MTMR7: variants seen among roughly 807,000 people sequenced by gnomAD.
MTMR7 encodes myotubularin related protein 7, also known as phosphatidylinositol-3-phosphate phosphatase MTMR7.
MTMR7 carries 76 observed loss-of-function variants against 81.2 expected under a neutral mutation model. The observed-to-expected ratio is 0.94, with a 90% confidence interval of 0.78 to 1.13. The LOEUF (loss-of-function observed/expected upper bound fraction) is 1.13, where lower values mean the gene tolerates loss of function less well. MTMR7 is among the 50% of genes most tolerant of loss of function. The probability of loss-of-function intolerance (pLI) is 0.00; values close to 1 mark genes in which losing one functional copy is unlikely to be tolerated. For missense variants in MTMR7, 1,044 were observed against 820.0 expected (o/e 1.27, Z -3.34); for synonymous variants, 372 against 289.8 (o/e 1.28, Z -2.88).
At position 17,311,598 on chromosome 8, in the gene MTMR7, A is replaced by G. The variant is rs746530752; in HGVS notation, c.1014T>C (p.Cys338=). The change falls in exon 9 of 14, where the codon TGT becomes TGC. Residue 338 remains cysteine, a synonymous_variant. Transcript: ENST00000180173. ...SEEGASVLVH[C]SDGWDRTAQV... Reference sequence around the variant, plus strand: ...GAGCGGTCCTGTCCCAGCCATCAGAACAGTGAACAAGCACACTTGCCCCTT... The same window carrying G: ...GAGCGGTCCTGTCCCAGCCATCAGAGCAGTGAACAAGCACACTTGCCCCTT... 8.2e-5 allele frequency: 132 copies of G among 1,614,056 alleles called. 2 individuals are homozygous for G. In the Admixed American group the frequency reaches 1.1e-3, roughly 14 times the overall value.
intron 1 of MTMR7, among the ~76,000 whole-genome samples, chr8:17,393,997 C>T (rs1202939150): frequency 1.3e-5 from 2 of 152,192 alleles, no homozygotes; most frequent in Non-Finnish European, 2.9e-5. Flanking sequence ...CAAACTACCA[C>T]AAGATACCGC....
In MTMR7 at chr8:17,320,936, C is replaced by T. The variant is rs77103221; in HGVS notation, c.866-7535G>A. Among the ~76,000 whole-genome samples, 1,464 of 152,280 alleles carry T rather than the reference C, an allele frequency of 9.6e-3. 20 individuals carry two copies. Among genetic ancestry groups the T allele is most frequent in the East Asian group, 0.037 (192 of 5,174 alleles). On this transcript the variant is annotated intron_variant, in intron 7 of 13. Coordinates refer to ENST00000180173, the MANE Select transcript of MTMR7 (RefSeq NM_004686.5). ...ATCCTAAAATACACACATTCCACTGCGTGAAGTCTCAGGATGCAATTGATT... is the reference window on the plus strand; with the variant it reads ...ATCCTAAAATACACACATTCCACTGTGTGAAGTCTCAGGATGCAATTGATT...
At chr8:17,342,544 A>G (rs1411645877) in intron 5 of MTMR7, among the ~76,000 whole-genome samples, 1 of 152,106 alleles carries the variant, frequency 6.6e-6, no homozygotes, top group Admixed American at 6.5e-5. Flanking sequence ...TTGAATCCCA[A>G]CCCAGGACAA....
chr8:17,410,992 G>A (rs983931133), intron 1 of MTMR7, among the ~76,000 whole-genome samples: 3 of 152,104 alleles, frequency 2.0e-5, no homozygotes, highest in Non-Finnish European at 4.4e-5. Context: ...TTTACCTATA[G>A]TTTCACCAAG....
chr8:17,309,920 A>G (rs1817690910), intron 9 of MTMR7, among the ~76,000 whole-genome samples: 1 of 152,212 alleles, frequency 6.6e-6, no homozygotes, highest in African/African-American at 2.4e-5. Flanking sequence ...AATTAGGGTT[A>G]ACATGAATTT....
chr8:17,407,370 G>A (rs930251631), intron 1 of MTMR7, among the ~76,000 whole-genome samples: 1 of 152,050 alleles, frequency 6.6e-6, no homozygotes, highest in Non-Finnish European at 1.5e-5. Flanking sequence ...AAGAAACATA[G>A]TCTATATTCT....
At chr8:17,411,404 A>G (rs1040824149) in intron 1 of MTMR7, among the ~76,000 whole-genome samples, 1 of 152,096 alleles carries the variant, frequency 6.6e-6, no homozygotes, top group African/African-American at 2.4e-5. Context: ...TCTATCATAC[A>G]CTGACATATT....
intron 7 of MTMR7, among the ~76,000 whole-genome samples, chr8:17,329,732 A>G (rs1818895313): frequency 6.6e-6 from 1 of 152,238 alleles, no homozygotes; most frequent in Non-Finnish European, 1.5e-5. Flanking sequence ...CAAGGAGTCC[A>G]ATTTTTCAAC....
rs370669270 is a variant in MTMR7, at chr8:17,361,194, C to T, written c.391G>A (p.Asp131Asn). ...ATCCGCGTGTATTCTTCACTAAGAT[C>T]GATCAGCACCCAGCCTTGCTCTCTT... ...EEREQGWVLI[D>N]LSEEYTRMGL... is the part of the protein sequence containing the mutation. The change falls in exon 4 of 14, where the codon GAT becomes AAT. Residue 131 changes from aspartate to asparagine, a missense_variant. By Grantham distance (23) the Asp-to-Asn change is conservative. Transcript: ENST00000180173. 1.5e-4 allele frequency: 242 copies of T among 1,614,030 alleles called. No individual in the cohort carries two copies. The highest frequency in any genetic ancestry group is 1.9e-4 in the Non-Finnish European group (226 of 1,180,008).
intron 4 of MTMR7, 135 bp from the exon 5 acceptor site, chr8:17,349,216 C>T (rs976476720): frequency 8.6e-5 from 92 of 1,067,242 alleles, no homozygotes; most frequent in African/African-American, 5.1e-4. Flanking sequence ...GAGGCTATTT[C>T]GAGGAAACTC....
At chr8:17,333,539 T>A (rs1819120795) in intron 6 of MTMR7, among the ~76,000 whole-genome samples, 1 of 152,120 alleles carries the variant, frequency 6.6e-6, no homozygotes, top group African/African-American at 2.4e-5. Flanking sequence ...ACAGAGATAC[T>A]CTTTTAAAAA....
At chr8:17,335,187 G>A (rs1168578574) in intron 6 of MTMR7, among the ~76,000 whole-genome samples, 1 of 152,170 alleles carries the variant, frequency 6.6e-6, no homozygotes, top group Admixed American at 6.5e-5. Flanking sequence ...GAAAACCTCA[G>A]CGCTGACAGA....
At chr8:17,405,094 C>T (rs1247998430) in intron 1 of MTMR7, among the ~76,000 whole-genome samples, 2 of 152,222 alleles carry the variant, frequency 1.3e-5, no homozygotes, top group African/African-American at 4.8e-5. Context: ...TCAAACGATC[C>T]GTCCGCCTTG....
At chr8:17,397,337 C>T (rs1425816469) in intron 1 of MTMR7, among the ~76,000 whole-genome samples, 1 of 151,924 alleles carries the variant, frequency 6.6e-6, no homozygotes, top group Non-Finnish European at 1.5e-5. Context: ...TAGAGGGGAG[C>T]TCAATGCCCT....
intron 1 of MTMR7, among the ~76,000 whole-genome samples, chr8:17,379,011 G>A (rs1037332680): frequency 9.2e-5 from 14 of 152,284 alleles, no homozygotes; most frequent in African/African-American, 2.6e-4. Flanking sequence ...TGAAGAAGAG[G>A]AATCAGAAAA....
At chr8:17,304,576 A>T in intron 11 of MTMR7, 57 bp from the exon 12 acceptor site, 1 of 1,540,638 alleles carries the variant, frequency 6.5e-7, no homozygotes, top group African/African-American at 1.4e-5. Flanking sequence ...CACACAGTAG[A>T]TATGTTATAT....
chr8:17,309,086 C>A (rs538436304), intron 10 of MTMR7, among the ~76,000 whole-genome samples, 191 bp downstream of exon 10: 10 of 152,256 alleles, frequency 6.6e-5, no homozygotes, highest in African/African-American at 2.4e-4. Flanking sequence ...TAGTTCTGCC[C>A]AACTGTTACC....
At chr8:17,330,582 C>G (rs375617396) in intron 7 of MTMR7, among the ~76,000 whole-genome samples, 3 of 152,216 alleles carry the variant, frequency 2.0e-5, no homozygotes, top group East Asian at 3.8e-4. Flanking sequence ...TAATCCATCT[C>G]TTTAATTTCC....
Position 17,298,507 on chromosome 8 carries a change from C to T in MTMR7, c.*1355G>A, listed in dbSNP as rs1189838316. On this transcript the variant is annotated 3_prime_UTR_variant, in exon 14 of 14. Coordinates refer to ENST00000180173, the MANE Select transcript of MTMR7 (RefSeq NM_004686.5). ...AGATCAGCAATGTTGCTTTCTTGCC[C>T]TCGTCCTCATTTCAGCGAAATGTAA... 2 of 152,154 alleles carry T rather than the reference C, an allele frequency of 1.3e-5. No individual in the cohort carries two copies. The highest frequency in any genetic ancestry group is 1.3e-4 in the Admixed American group (2 of 15,230). The allele number at this position is 152,154 out of a possible 1,614,324, so 9.4% of individuals were successfully genotyped here.
Sources: gnomAD v4.1 joint callset for allele counts (sites outside exome capture counted in the v4.1 genomes callset) on GRCh38, gnomAD v4.1.1 for gene constraint, MANE v1.5 for transcripts, NCBI Gene and HGNC (gene_info 2026-07-23, HGNC 2026-07-21) for gene names.